Variants in PIP5K1B observed in about 807,000 individuals in gnomAD.
PIP5K1B encodes the protein phosphatidylinositol-4-phosphate 5-kinase type 1 beta, also known as phosphatidylinositol 4-phosphate 5-kinase type-1 beta.
In PIP5K1B, 42 loss-of-function variants were observed where a neutral mutation model predicts 67.0. The ratio of observed to expected loss-of-function variants is 0.63; its 90% confidence interval spans 0.49 to 0.81. The LOEUF is 0.81. Ranked by LOEUF, PIP5K1B falls within the 30% of genes least tolerant of loss-of-function variation. PIP5K1B has a pLI of 0.00. For missense variants in PIP5K1B, 459 were observed against 646.3 expected, an observed-to-expected ratio of 0.71 and a Z score of 3.14; for synonymous variants, 214 against 231.4, an observed-to-expected ratio of 0.92 and a Z score of 0.68.
intron 14 of PIP5K1B, among the ~76,000 whole-genome samples, chr9:68,973,745 C>T (rs1484081418): frequency 6.6e-6 from 1 of 152,178 alleles, no homozygotes; most frequent in Non-Finnish European, 1.5e-5. Flanking sequence ...ATTCAGAGCT[C>T]CTGAACACCA....
intron 12 of PIP5K1B, among the ~76,000 whole-genome samples, chr9:68,924,399 C>A (rs2132548427): frequency 1.6e-5 from 1 of 64,134 alleles, no homozygotes; most frequent in African/African-American, 5.0e-5. Context: ...GACACTGCGC[C>A]TCAAAAAAAA....
At chr9:68,876,829 A>G in intron 6 of PIP5K1B, 35 bp downstream of exon 6, 1 of 1,028,558 alleles carries the variant, frequency 9.7e-7, no homozygotes, top group Non-Finnish European at 1.5e-6. Flanking sequence ...TTCTATAGAA[A>G]TGTGTGATGT....
intron 1 of PIP5K1B, among the ~76,000 whole-genome samples, chr9:68,711,970 C>T (rs1827415464): frequency 6.6e-6 from 1 of 152,150 alleles, no homozygotes; most frequent in Non-Finnish European, 1.5e-5. Flanking sequence ...AGACCTTCTC[C>T]ATATGTTTTG....
chr9:68,899,995 A>G (rs557457309), intron 8 of PIP5K1B, among the ~76,000 whole-genome samples: 59 of 152,288 alleles, frequency 3.9e-4, no homozygotes, highest in African/African-American at 1.4e-3. Context: ...TGCAACTCCC[A>G]TTTAGAAGTA....
At chr9:68,742,068 T>C (rs1234713588) in intron 1 of PIP5K1B, among the ~76,000 whole-genome samples, 1 of 152,240 alleles carries the variant, frequency 6.6e-6, no homozygotes, top group Non-Finnish European at 1.5e-5. Flanking sequence ...TTTCCTTGCA[T>C]GTGGTTTCAA....
chr9:68,844,489 G>A (rs1224478220), intron 4 of PIP5K1B, among the ~76,000 whole-genome samples: 1 of 152,108 alleles, frequency 6.6e-6, no homozygotes, highest in African/African-American at 2.4e-5. Flanking sequence ...CTGGCTTGTT[G>A]GGATCAAGTC....
intron 5 of PIP5K1B, among the ~76,000 whole-genome samples, chr9:68,864,226 T>C (rs964151631): frequency 1.3e-5 from 2 of 152,202 alleles, no homozygotes; most frequent in Middle Eastern, 3.2e-3. Context: ...TGGAAGACCA[T>C]ATGGAGAAAG....
rs1416391650 is a variant in PIP5K1B at position 68,917,658 on chromosome 9, T to C, written c.882T>C (p.Ala294=). The C allele has an allele frequency of 6.2e-7, 1 of 1,613,988 alleles. No individual in the cohort carries two copies. The highest frequency in any genetic ancestry group is 1.3e-5 in the African/African-American group (1 of 74,928). The change falls in exon 9 of 16, where the codon GCT becomes GCC. Residue 294 remains alanine, a synonymous_variant. Coordinates refer to ENST00000265382, the MANE Select transcript of PIP5K1B (RefSeq NM_003558.4). ...EEETPQNVPD[A]KRTGMQKVLY... is the part of the protein sequence containing the mutation. The stretch of plus-strand genomic sequence containing the variant: ...AGACCCCACAAAATGTGCCTGATGC[T>C]AAGCGGACTGGGATGCAGAAGGTTC...
intron 4 of PIP5K1B, among the ~76,000 whole-genome samples, chr9:68,861,657 G>C (rs1313991793): frequency 6.6e-6 from 1 of 152,228 alleles, no homozygotes; most frequent in Non-Finnish European, 1.5e-5. Context: ...GCTTAGAACA[G>C]TGTGGCGTAT....
intron 2 of PIP5K1B, among the ~76,000 whole-genome samples, chr9:68,770,079 C>T (rs1322315217): frequency 6.6e-6 from 1 of 152,232 alleles, no homozygotes; most frequent in South Asian, 2.1e-4. Flanking sequence ...TTCAGCATTT[C>T]TCACAAGTGA....
intron 7 of PIP5K1B, among the ~76,000 whole-genome samples, chr9:68,892,152 A>T (rs1164425943): frequency 6.6e-6 from 1 of 152,238 alleles, no homozygotes; most frequent in Non-Finnish European, 1.5e-5. Context: ...AAAGATTTCA[A>T]CTGCTCCCAA....
At chr9:68,801,080 A>T (rs949669150) in intron 2 of PIP5K1B, among the ~76,000 whole-genome samples, 1 of 152,180 alleles carries the variant, frequency 6.6e-6, no homozygotes, top group Admixed American at 6.5e-5. Context: ...TGGTCCATAG[A>T]TATTTTAACC....
intron 8 of PIP5K1B, among the ~76,000 whole-genome samples, chr9:68,903,739 C>G (rs889798439): frequency 4.6e-5 from 7 of 152,222 alleles, no homozygotes; most frequent in Non-Finnish European, 8.8e-5. Flanking sequence ...GCCTGACTTT[C>G]TACTAAGTAA....
Position 68,796,187 on chromosome 9 carries a change from C to A in PIP5K1B, c.-85-22274C>A, listed in dbSNP as rs112335407. On this transcript the variant is annotated intron_variant, in intron 2 of 15. Transcript: ENST00000265382. ...CAGCTTTTATTCCCCATGTAATATA[C>A]AGTGAATGTTTTAAATATGCTTCTG... Among the ~76,000 whole-genome samples, 12 of 152,300 alleles carry A rather than the reference C, an allele frequency of 7.9e-5. 1 individual carries two copies. Among genetic ancestry groups the A allele is most frequent in the African/African-American group, 2.9e-4 (12 of 41,572 alleles).
chr9:68,897,282 A>G (rs1825136304), intron 8 of PIP5K1B, among the ~76,000 whole-genome samples: 1 of 152,338 alleles, frequency 6.6e-6, no homozygotes, highest in Admixed American at 6.5e-5. Flanking sequence ...CTAAACCTAT[A>G]TTAGGATATA....
intron 15 of PIP5K1B, among the ~76,000 whole-genome samples, chr9:69,000,877 G>T (rs996736683): frequency 2.7e-5 from 4 of 150,020 alleles, no homozygotes; most frequent in Admixed American, 6.7e-5. Flanking sequence ...GATGGAAAAG[G>T]CTTGATGGGA....
chr9:68,715,741 TA>T (rs1827606158), intron 1 of PIP5K1B, among the ~76,000 whole-genome samples: 2 of 152,214 alleles, frequency 1.3e-5, no homozygotes, highest in South Asian at 4.1e-4. Context: ...ATCCTTTTCG[TA>T]AATTCCCACT....
intron 2 of PIP5K1B, among the ~76,000 whole-genome samples, chr9:68,775,567 C>T (rs1830874965): frequency 6.6e-6 from 1 of 152,114 alleles, no homozygotes; most frequent in African/African-American, 2.4e-5. Flanking sequence ...GATTCATGTC[C>T]CAGGTCAGAT....
Position 68,887,591 on chromosome 9 carries a change from A to G in PIP5K1B, c.319-1390A>G, listed in dbSNP as rs117581659. 6.2e-4 allele frequency among the ~76,000 whole-genome samples: 95 copies of G among 152,362 alleles called. No individual in the cohort carries two copies. In the East Asian group the frequency reaches 0.018, roughly 28 times the overall value. On this transcript the variant is annotated intron_variant, in intron 6 of 15. Coordinates refer to ENST00000265382, the MANE Select transcript of PIP5K1B (RefSeq NM_003558.4). ...CTTTCTGCAAAAGATGTGAAAGCCC[A>G]GAAAAACATGAAGAGATTTGCATTT...
Sources: gnomAD v4.1 joint callset for allele counts (sites outside exome capture counted in the v4.1 genomes callset) on GRCh38, gnomAD v4.1.1 for gene constraint, MANE v1.5 for transcripts, NCBI Gene and HGNC (gene_info 2026-07-23, HGNC 2026-07-21) for gene names.